Variants in NCAM2 observed in about 807,000 individuals in gnomAD.
NCAM2 encodes the protein N-CAM-2.
A neutral mutation model predicts 98.1 loss-of-function variants in NCAM2; 30 were observed. The observed-to-expected ratio is 0.31, with a 90% CI of 0.23 to 0.41. NCAM2 has a LOEUF of 0.41. Among genes scored for constraint, NCAM2 ranks in the 10% least tolerant of loss-of-function variants. The pLI, the probability that NCAM2 is intolerant of heterozygous loss-of-function variation, is 1.00. For synonymous variants in NCAM2, 368 were observed against 342.4 expected (o/e 1.07, Z -0.83); for missense variants, 867 against 1,005.8 (o/e 0.86, Z 1.87).
At chr21:21,380,640 G>T (rs968249866) in intron 9 of NCAM2, among the ~76,000 whole-genome samples, 1 of 151,966 alleles carries the variant, frequency 6.6e-6, no homozygotes, top group Non-Finnish European at 1.5e-5. Context: ...GCCTGCAATG[G>T]CAGATCTAGT....
At chr21:21,070,638 T>G (rs1379429014) in intron 1 of NCAM2, among the ~76,000 whole-genome samples, 1 of 152,178 alleles carries the variant, frequency 6.6e-6, no homozygotes, top group Non-Finnish European at 1.5e-5. Flanking sequence ...TTCTTCATAT[T>G]ATAGGTAAAG....
intron 6 of NCAM2, among the ~76,000 whole-genome samples, chr21:21,330,041 C>T (rs2074629397): frequency 6.6e-6 from 1 of 151,968 alleles, no homozygotes; most frequent in Non-Finnish European, 1.5e-5. Flanking sequence ...GTTCTACTGT[C>T]TTTTTTATCC....
chr21:21,511,526 C>G (rs1037617763), intron 16 of NCAM2, among the ~76,000 whole-genome samples: 1 of 151,884 alleles, frequency 6.6e-6, no homozygotes, highest in African/African-American at 2.4e-5. Context: ...AATTCCAGAT[C>G]TTAGCTATTC....
intron 7 of NCAM2, 148 bp from the exon 8 acceptor site, chr21:21,338,241 G>A (rs571158287): frequency 3.2e-5 from 21 of 650,876 alleles, no homozygotes; most frequent in African/African-American, 1.7e-4. Context: ...GTCCTGGTAC[G>A]TCTGTAAGGC....
At chr21:21,145,078 A>G (rs2067244445) in intron 1 of NCAM2, among the ~76,000 whole-genome samples, 1 of 149,170 alleles carries the variant, frequency 6.7e-6, no homozygotes, top group Non-Finnish European at 1.5e-5. Flanking sequence ...GTTGATATCC[A>G]CTGCAGGTTG....
intron 1 of NCAM2, among the ~76,000 whole-genome samples, chr21:21,238,960 T>C (rs1205944136): frequency 6.6e-6 from 1 of 152,084 alleles, no homozygotes; most frequent in Non-Finnish European, 1.5e-5. Context: ...ATTTGTAACC[T>C]CTAGATACAA....
chr21:21,030,192 C>G (rs1159794907), intron 1 of NCAM2, among the ~76,000 whole-genome samples: 1 of 152,144 alleles, frequency 6.6e-6, no homozygotes, highest in Non-Finnish European at 1.5e-5. Context: ...TATTATTTCA[C>G]TTAAGCCTAA....
At chr21:21,408,857 A>G (rs932455898) in intron 9 of NCAM2, among the ~76,000 whole-genome samples, 2 of 151,810 alleles carry the variant, frequency 1.3e-5, no homozygotes, top group African/African-American at 2.4e-5. Flanking sequence ...AAAAACATTC[A>G]TTAAAGTAAA....
At chr21:21,026,533 G>A (rs1025729499) in intron 1 of NCAM2, among the ~76,000 whole-genome samples, 4 of 151,864 alleles carry the variant, frequency 2.6e-5, no homozygotes, top group African/African-American at 9.7e-5. Context: ...CTTGAGGCAG[G>A]AGAATCGCTT....
chr21:21,328,082 T>C (rs1329955015), intron 6 of NCAM2, among the ~76,000 whole-genome samples: 2 of 152,160 alleles, frequency 1.3e-5, no homozygotes, highest in African/African-American at 4.8e-5. Context: ...TACACAGGCA[T>C]GCCCAGCATA....
At chr21:21,331,202 G>A (rs973478355) in intron 6 of NCAM2, among the ~76,000 whole-genome samples, 2 of 151,852 alleles carry the variant, frequency 1.3e-5, no homozygotes, top group Non-Finnish European at 2.9e-5. Flanking sequence ...CAGGAGTGCA[G>A]TGGCACTCAC....
At chr21:21,084,243 C>G (rs767263976) in intron 1 of NCAM2, among the ~76,000 whole-genome samples, 1 of 152,152 alleles carries the variant, frequency 6.6e-6, no homozygotes, top group Non-Finnish European at 1.5e-5. Flanking sequence ...GGCCCCTCCT[C>G]CTAACACCCT....
chr21:21,482,037 G>T (rs974312151), intron 15 of NCAM2, among the ~76,000 whole-genome samples: 43 of 152,068 alleles, frequency 2.8e-4, no homozygotes, highest in African/African-American at 1.0e-3. Flanking sequence ...GTTGGAGGTT[G>T]CAATGAGCCA....
intron 12 of NCAM2, among the ~76,000 whole-genome samples, chr21:21,432,722 T>A (rs1210635054): frequency 6.6e-6 from 1 of 152,146 alleles, no homozygotes; most frequent in East Asian, 1.9e-4. Flanking sequence ...TATATTTGTT[T>A]ACTTTTTGTA....
At chr21:21,435,614 C>A (rs1267709052) in intron 12 of NCAM2, among the ~76,000 whole-genome samples, 1 of 152,174 alleles carries the variant, frequency 6.6e-6, no homozygotes, top group Non-Finnish European at 1.5e-5. Flanking sequence ...CTGACCTCTT[C>A]TCAAATCTTA....
At chr21:21,299,201 C>T (rs969131) in intron 5 of NCAM2, among the ~76,000 whole-genome samples, 111,662 of 151,176 alleles carry the variant, frequency 0.74, 41,359 homozygotes, top group South Asian at 0.82. Context: ...GGGTCCTGTT[C>T]CTCAAAATGT....
At chr21:20,999,373 C>T (rs576641607) in intron 1 of NCAM2, among the ~76,000 whole-genome samples, 10 of 151,648 alleles carry the variant, frequency 6.6e-5, no homozygotes, top group Admixed American at 3.9e-4. Context: ...AATGAATAGC[C>T]TGGTAGAATA....
intron 15 of NCAM2, among the ~76,000 whole-genome samples, chr21:21,500,032 A>G (rs1987525824): frequency 6.6e-6 from 1 of 152,134 alleles, no homozygotes. Context: ...TTTATAATTT[A>G]AAATAAAAAC....
intron 1 of NCAM2, among the ~76,000 whole-genome samples, chr21:21,110,597 C>T (rs2066434842): frequency 6.7e-6 from 1 of 150,294 alleles, no homozygotes; most frequent in Non-Finnish European, 1.5e-5. Context: ...CAAGGCATTC[C>T]CTGGTAGTTT....
Sources: allele counts gnomAD v4.1 joint callset (sites outside exome capture counted in the v4.1 genomes callset), GRCh38; gene constraint gnomAD v4.1.1; transcripts MANE v1.5; gene names NCBI Gene and HGNC (gene_info 2026-07-23, HGNC 2026-07-21).